Variants in SCHIP1 observed in about 807,000 individuals in gnomAD.
The protein encoded by SCHIP1 is schwannomin-interacting protein 1.
Under a neutral mutation model 29.7 loss-of-function variants are expected in SCHIP1, and 8 were observed. That is an observed-to-expected ratio of 0.27 (90% CI 0.16 to 0.49). The LOEUF (loss-of-function observed/expected upper bound fraction) is 0.49. SCHIP1 is among the 20% of genes least tolerant of loss of function. SCHIP1 has a pLI of 0.99. For missense variants in SCHIP1, 193 were observed against 294.6 expected, an observed-to-expected ratio of 0.66 and a Z score of 2.52; for synonymous variants, 76 against 94.9, an observed-to-expected ratio of 0.80 and a Z score of 1.16.
At chr3:159,379,266 G>A in the SCHIP1 span, among the ~76,000 whole-genome samples, 1 of 151,356 alleles carries the variant, frequency 6.6e-6, no homozygotes, top group Non-Finnish European at 1.5e-5. Flanking sequence ...GCAACACCCA[G>A]GCTGGAGTGC....
the SCHIP1 span, among the ~76,000 whole-genome samples, chr3:159,373,953 G>A: frequency 2.0e-5 from 3 of 152,060 alleles, no homozygotes; most frequent in Admixed American, 6.6e-5. Flanking sequence ...TAAGATTACT[G>A]GATCATATGA....
chr3:159,524,798 C>A, the SCHIP1 span, among the ~76,000 whole-genome samples: 1 of 152,214 alleles, frequency 6.6e-6, no homozygotes, highest in African/African-American at 2.4e-5. Context: ...GCTCAGTAAG[C>A]TCATTAGCCA....
chr3:159,855,479 C>G (rs1330302581), intron 1 of SCHIP1, among the ~76,000 whole-genome samples: 2 of 152,094 alleles, frequency 1.3e-5, no homozygotes, highest in African/African-American at 4.8e-5. Context: ...TGGGGCTCTG[C>G]AGGCTTTTTT....
chr3:159,320,289 C>T, the SCHIP1 span, among the ~76,000 whole-genome samples: 13 of 152,146 alleles, frequency 8.5e-5, no homozygotes, highest in Non-Finnish European at 1.5e-4. Flanking sequence ...CCCCAGAGAG[C>T]TGCCTTGCCC....
chr3:159,292,734 C>T, the SCHIP1 span, among the ~76,000 whole-genome samples: 8 of 152,252 alleles, frequency 5.3e-5, no homozygotes, highest in East Asian at 9.6e-4. Flanking sequence ...AATCGGTTTC[C>T]CTACTACATT....
chr3:159,343,905 A>C, the SCHIP1 span, among the ~76,000 whole-genome samples: 1 of 152,230 alleles, frequency 6.6e-6, no homozygotes, highest in Non-Finnish European at 1.5e-5. Context: ...TTTATGGATA[A>C]TATTTGAATG....
chr3:159,864,326 T>A (rs1247569615), intron 1 of SCHIP1, among the ~76,000 whole-genome samples: 2 of 152,102 alleles, frequency 1.3e-5, no homozygotes, highest in Admixed American at 6.5e-5. Context: ...CATTCTTGCT[T>A]CCCTCCATAA....
At chr3:159,582,673 A>C in the SCHIP1 span, among the ~76,000 whole-genome samples, 1 of 152,056 alleles carries the variant, frequency 6.6e-6, no homozygotes, top group Non-Finnish European at 1.5e-5. Context: ...GAAACTAAAA[A>C]ATATATATAA....
intron 1 of SCHIP1, chr3:159,840,327 C>A: frequency 1.1e-6 from 1 of 908,120 alleles, no homozygotes; most frequent in South Asian, 1.4e-5. Flanking sequence ...CCATCTTCCG[C>A]GCCTGGCCTT....
At chr3:159,759,346 A>G in the SCHIP1 span, among the ~76,000 whole-genome samples, 1 of 152,234 alleles carries the variant, frequency 6.6e-6, no homozygotes, top group Non-Finnish European at 1.5e-5. Flanking sequence ...TAATAGAGAT[A>G]GATCTGGATT....
chr3:159,566,997 A>G, the SCHIP1 span, among the ~76,000 whole-genome samples: 1 of 152,104 alleles, frequency 6.6e-6, no homozygotes, highest in Admixed American at 6.6e-5. Flanking sequence ...ACATTTTCAG[A>G]CTTTTAAATT....
chr3:159,393,089 CT>C, the SCHIP1 span, among the ~76,000 whole-genome samples: 1 of 152,130 alleles, frequency 6.6e-6, no homozygotes, highest in African/African-American at 2.4e-5. Context: ...TTTCATGTGT[CT>C]TTTGGCTGCA....
At chr3:159,364,776 C>T in the SCHIP1 span, among the ~76,000 whole-genome samples, 1 of 152,166 alleles carries the variant, frequency 6.6e-6, no homozygotes, top group Non-Finnish European at 1.5e-5. Flanking sequence ...CTCCACTTGA[C>T]TAATTCATCC....
chr3:159,629,393 C>G, the SCHIP1 span, among the ~76,000 whole-genome samples: 1 of 152,222 alleles, frequency 6.6e-6, no homozygotes, highest in Non-Finnish European at 1.5e-5. Context: ...TGAGTTCACC[C>G]TGTCCCATTT....
the SCHIP1 span, among the ~76,000 whole-genome samples, chr3:159,433,929 C>A: frequency 1.3e-5 from 2 of 152,174 alleles, no homozygotes; most frequent in Non-Finnish European, 2.9e-5. Context: ...GCTACTGCAT[C>A]CACTGCCTGC....
chr3:159,709,572 G>A, the SCHIP1 span, among the ~76,000 whole-genome samples: 1 of 152,322 alleles, frequency 6.6e-6, no homozygotes, highest in Non-Finnish European at 1.5e-5. Flanking sequence ...ACAGAAATCT[G>A]TAGCTCCTGT....
the SCHIP1 span, among the ~76,000 whole-genome samples, chr3:159,679,019 A>T: frequency 4.0e-3 from 608 of 152,354 alleles, 1 homozygote; most frequent in African/African-American, 0.014. Context: ...GCCAAACCAC[A>T]TCACTTACTT....
At chr3:159,894,414 A>T (rs992548112) in intron 6 of SCHIP1, 2 of 152,214 alleles carry the variant, frequency 1.3e-5, no homozygotes, top group African/African-American at 4.8e-5. Flanking sequence ...CCATGCTGGC[A>T]TGTTTCCAGA....
chr3:159,294,905 C>T, the SCHIP1 span, among the ~76,000 whole-genome samples: 2 of 152,036 alleles, frequency 1.3e-5, no homozygotes, highest in African/African-American at 4.8e-5. Flanking sequence ...TAGGAATACT[C>T]TTCATAAGCA....
Sources: allele counts gnomAD v4.1 joint callset (sites outside exome capture counted in the v4.1 genomes callset), GRCh38; gene constraint gnomAD v4.1.1; transcripts MANE v1.5; gene names NCBI Gene and HGNC (gene_info 2026-07-23, HGNC 2026-07-21).